Variants in TMEM132C observed in about 807,000 individuals in gnomAD.
TMEM132C encodes the protein transmembrane protein 132C.
TMEM132C carries 29 observed loss-of-function variants against 61.4 expected under a neutral mutation model. The ratio of observed to expected loss-of-function variants is 0.47; its 90% CI spans 0.35 to 0.64. The LOEUF (loss-of-function observed/expected upper bound fraction) is 0.64, where lower values mean the gene tolerates loss of function less well. Ranked by LOEUF, TMEM132C falls within the 30% of genes least tolerant of loss-of-function variation. The pLI, the probability that TMEM132C is intolerant of heterozygous loss-of-function variation, is 0.00. For missense variants in TMEM132C, 1,408 were observed against 1,476.9 expected (o/e 0.95, Z 0.76); for synonymous variants, 656 against 633.1 (o/e 1.04, Z -0.54).
At chr12:128,298,370 C>T (rs1871479738) in intron 1 of TMEM132C, among the ~76,000 whole-genome samples, 1 of 151,450 alleles carries the variant, frequency 6.6e-6, no homozygotes, top group African/African-American at 2.4e-5. Context: ...AATGTTCTTC[C>T]TACAGGGCAA....
chr12:128,605,453 CT>C (rs886763242), intron 3 of TMEM132C, among the ~76,000 whole-genome samples: 1 of 152,182 alleles, frequency 6.6e-6, no homozygotes, highest in Non-Finnish European at 1.5e-5. Context: ...CTTCACTCAG[CT>C]GAGGTGTTAA....
At chr12:128,591,202 A>C (rs1489576766) in intron 3 of TMEM132C, among the ~76,000 whole-genome samples, 1 of 152,200 alleles carries the variant, frequency 6.6e-6, no homozygotes, top group East Asian at 1.9e-4. Context: ...CTATCACCAC[A>C]ATCAATTTTA....
Position 128,316,516 on chromosome 12 carries a change from A to G in TMEM132C, c.85+49029A>G, listed in dbSNP as rs146438043. Among the ~76,000 whole-genome samples the G allele has an allele frequency of 3.2e-3, 494 of 152,276 alleles. 2 individuals carry two copies. Among genetic ancestry groups the G allele is most frequent in the Non-Finnish European group, 5.6e-3 (380 of 68,024 alleles). ...GAACTGAGTGAGGGCCCACTGTGAA[A>G]TCTTTGGTGGAAACCAGGCTTTGCA... On this transcript the variant is annotated intron_variant, in intron 1 of 8. Coordinates refer to ENST00000435159, the MANE Select transcript of TMEM132C (RefSeq NM_001136103.3).
intron 2 of TMEM132C, among the ~76,000 whole-genome samples, chr12:128,435,951 A>C (rs919844050): frequency 6.6e-6 from 1 of 152,194 alleles, no homozygotes; most frequent in Admixed American, 6.5e-5. Context: ...CAAATCAGAG[A>C]TATAGACCAA....
At chr12:128,317,474 C>T (rs546779748) in intron 1 of TMEM132C, among the ~76,000 whole-genome samples, 2 of 152,320 alleles carry the variant, frequency 1.3e-5, no homozygotes, top group South Asian at 4.1e-4. Context: ...CGCCCACAAA[C>T]AAGATGAGTC....
intron 5 of TMEM132C, among the ~76,000 whole-genome samples, chr12:128,675,082 T>C (rs1954570487): frequency 6.6e-6 from 1 of 152,194 alleles, no homozygotes; most frequent in Non-Finnish European, 1.5e-5. Context: ...CTTTTCCTTT[T>C]TCTTTCCTTC....
At chr12:128,546,499 C>A (rs2136151246) in intron 3 of TMEM132C, among the ~76,000 whole-genome samples, 1 of 152,186 alleles carries the variant, frequency 6.6e-6, no homozygotes, top group Admixed American at 6.5e-5. Flanking sequence ...CTTCCAGGCA[C>A]CCCACTTTGA....
intron 1 of TMEM132C, among the ~76,000 whole-genome samples, chr12:128,318,332 G>C (rs919654207): frequency 1.3e-5 from 2 of 152,194 alleles, no homozygotes; most frequent in Non-Finnish European, 2.9e-5. Flanking sequence ...TGCTGGAAAA[G>C]TGATGTTACT....
At chr12:128,469,626 TTGTGTG>T (rs375592340) in intron 2 of TMEM132C, among the ~76,000 whole-genome samples, 1 of 147,586 alleles carries the variant, frequency 6.8e-6, no homozygotes, top group African/African-American at 2.7e-5. Flanking sequence ...CTTGTATGCT[TTGTGTG>T]TGTGTGTTTG....
intron 8 of TMEM132C, among the ~76,000 whole-genome samples, chr12:128,702,190 A>G (rs2087426): frequency 0.53 from 80,108 of 151,846 alleles, 23,251 homozygotes; most frequent in East Asian, 0.77. Flanking sequence ...ATAAGCCACC[A>G]CATCTGGCCC....
At position 128,541,536 on chromosome 12, in the gene TMEM132C, G is replaced by C. The variant is rs544026896; in HGVS notation, c.975-2421G>C. ...CAGTCACCTCCTTAGTGCACAAGAA[G>C]ACATCACTATTCCCAGGATTTTAGG... On this transcript the variant is annotated intron_variant, in intron 2 of 8. Transcript: ENST00000435159. Among the ~76,000 whole-genome samples the C allele has an allele frequency of 5.3e-5, 8 of 152,298 alleles. 1 individual carries two copies. The highest frequency in any genetic ancestry group is 2.6e-4 in the Admixed American group (4 of 15,302).
chr12:128,513,169 C>G (rs1218335477), intron 2 of TMEM132C, among the ~76,000 whole-genome samples: 1 of 152,070 alleles, frequency 6.6e-6, no homozygotes, highest in African/African-American at 2.4e-5. Context: ...ATACAGAGAT[C>G]TGCTTGAAGG....
At chr12:128,392,515 A>T (rs958192784) in intron 1 of TMEM132C, among the ~76,000 whole-genome samples, 1 of 152,104 alleles carries the variant, frequency 6.6e-6, no homozygotes, top group Non-Finnish European at 1.5e-5. Context: ...CCAGAACGTC[A>T]TGAAGGAGCA....
chr12:128,444,209 C>T (rs1440605187), intron 2 of TMEM132C, among the ~76,000 whole-genome samples: 1 of 152,182 alleles, frequency 6.6e-6, no homozygotes, highest in Non-Finnish European at 1.5e-5. Flanking sequence ...AGGGAGCCAC[C>T]GCGCCCAGCC....
At chr12:128,585,614 A>G (rs1875515187) in intron 3 of TMEM132C, among the ~76,000 whole-genome samples, 1 of 152,262 alleles carries the variant, frequency 6.6e-6, no homozygotes, top group South Asian at 2.1e-4. Context: ...TAGCCATTTA[A>G]AATGAGTCAC....
At chr12:128,446,388 G>T (rs1160541107) in intron 2 of TMEM132C, among the ~76,000 whole-genome samples, 1 of 152,216 alleles carries the variant, frequency 6.6e-6, no homozygotes, top group East Asian at 1.9e-4. Flanking sequence ...CAGAATGTAG[G>T]ATGTCCCTGA....
chr12:128,494,216 G>T (rs1311125740), intron 2 of TMEM132C, among the ~76,000 whole-genome samples: 1 of 152,180 alleles, frequency 6.6e-6, no homozygotes, highest in Non-Finnish European at 1.5e-5. Context: ...GATCATGGTG[G>T]ATAAGCTTTT....
chr12:128,344,943 A>T (rs2630223), intron 1 of TMEM132C, among the ~76,000 whole-genome samples: 124,473 of 142,292 alleles, frequency 0.87, 54,566 homozygotes, highest in East Asian at 0.99. Flanking sequence ...TTTTTTTTTT[A>T]AATTTCCAGC....
At chr12:128,629,853 C>A (rs758163034) in intron 4 of TMEM132C, among the ~76,000 whole-genome samples, 1 of 151,810 alleles carries the variant, frequency 6.6e-6, no homozygotes, top group Non-Finnish European at 1.5e-5. Flanking sequence ...GTAATCCCAG[C>A]TACTCGGGAG....
Sources: allele counts gnomAD v4.1 joint callset (sites outside exome capture counted in the v4.1 genomes callset), GRCh38; gene constraint gnomAD v4.1.1; transcripts MANE v1.5; gene names NCBI Gene and HGNC (gene_info 2026-07-23, HGNC 2026-07-21).